RPL6: variants seen among roughly 807,000 people sequenced by gnomAD.
RPL6 encodes the protein ribosomal protein L6.
In RPL6, 1 loss-of-function variant was observed where a neutral mutation model predicts 32.1. The ratio of observed to expected loss-of-function variants is 0.03; its 90% CI spans 0.01 to 0.15. The LOEUF (loss-of-function observed/expected upper bound fraction) is 0.15. RPL6 is among the 10% of genes least tolerant of loss of function. The probability of loss-of-function intolerance (pLI) is 1.00; values close to 1 mark genes in which losing one functional copy is unlikely to be tolerated. For missense variants in RPL6, 275 were observed against 354.6 expected, an observed-to-expected ratio of 0.78 and a Z score of 1.80; for synonymous variants, 126 against 131.6, an observed-to-expected ratio of 0.96 and a Z score of 0.29.
At position 112,406,810 on chromosome 12, in the gene RPL6, T is replaced by G. The variant is rs143273976; in HGVS notation, c.417A>C (p.Lys139Asn). 2.0e-3 allele frequency: 3,204 copies of G among 1,614,204 alleles called. 7 individuals are homozygous for G. Among genetic ancestry groups the G allele is most frequent in the Non-Finnish European group, 2.6e-3 (3,048 of 1,180,036 alleles). ...TCCCGGGGGTAATGCTGGCTCGCAG[T>G]TTTCTCACGTGCTGACTGAAGGGTT... ...GKKPFSQHVR[K>N]LRASITPGTI... The change falls in exon 4 of 7, where the codon AAA (lysine) becomes AAC (asparagine). Residue 139 changes from lysine to asparagine, a missense_variant. By Grantham distance (94) the Lys-to-Asn change is moderately conservative (BLOSUM62 0). Coordinates refer to ENST00000202773, the MANE Select transcript of RPL6 (RefSeq NM_000970.6).
intron 1 of RPL6, among the ~76,000 whole-genome samples, chr12:112,416,099 C>G (rs1213535764): frequency 6.8e-6 from 1 of 147,448 alleles, no homozygotes; most frequent in Non-Finnish European, 1.5e-5. Context: ...GCTGGGACTA[C>G]AGGTGCCTGC....
intron 1 of RPL6, among the ~76,000 whole-genome samples, chr12:112,416,122 C>T (rs1343996469): frequency 3.5e-5 from 5 of 141,790 alleles, no homozygotes; most frequent in African/African-American, 1.3e-4. Context: ...CTGCACCCAG[C>T]TAAATTTTGT....
chr12:112,405,447 C>T (rs1250603769), intron 6 of RPL6, 71 bp from the exon 7 acceptor site: 1 of 1,451,360 alleles, frequency 6.9e-7, no homozygotes, highest in Non-Finnish European at 9.5e-7. Flanking sequence ...ACTAAGGAGT[C>T]CTGTCTCACA....
At chr12:112,412,556 C>T (rs1352586113), upstream of RPL6, among the ~76,000 whole-genome samples, 1 of 151,718 alleles carries the variant, frequency 6.6e-6, no homozygotes, top group South Asian at 2.1e-4. Context: ...CTCACTGCAG[C>T]CTTGACCTCC....
intron 3 of RPL6, chr12:112,407,542 T>G (rs2037209004): frequency 6.5e-6 from 1 of 152,920 alleles, no homozygotes; most frequent in African/African-American, 2.4e-5. Flanking sequence ...GCAGTAATCT[T>G]CAACTGTGAA....
rs139449403 is a variant in RPL6, at chr12:112,408,307, G to A, written c.269C>T (p.Ala90Val). ...ACCACCAACTGGTTTTGTAACAGTT[G>A]CGAGAACCTTCTCCTTCTTTTTCTT... ...VEKKKKEKVLATVTKPVGGDK... is the reference protein window; with the variant it reads ...VEKKKKEKVLVTVTKPVGGDK... The change falls in exon 3 of 7, where the codon GCA becomes GTA. Residue 90 changes from alanine to valine, a missense_variant. Ala to Val is a moderately conservative substitution (Grantham distance 64, BLOSUM62 0). Transcript: ENST00000202773. The A allele has an allele frequency of 6.2e-7, 1 of 1,614,182 alleles. No individual in the cohort carries two copies. Among genetic ancestry groups the A allele is most frequent in the Non-Finnish European group, 8.5e-7 (1 of 1,180,038 alleles).
intron 1 of RPL6, among the ~76,000 whole-genome samples, chr12:112,416,681 T>C (rs1286010349): frequency 6.6e-6 from 1 of 152,218 alleles, no homozygotes; most frequent in Non-Finnish European, 1.5e-5. Flanking sequence ...CCCAAAGTGC[T>C]GGGATTACAG....
chr12:112,413,573 A>C (rs985000559), upstream of RPL6, among the ~76,000 whole-genome samples: 2 of 152,156 alleles, frequency 1.3e-5, no homozygotes, highest in Admixed American at 1.3e-4. Flanking sequence ...AAAATAATTC[A>C]GATTGAGGTT....
intron 3 of RPL6, 154 bp downstream of exon 3, chr12:112,408,086 G>T (rs2037231241): frequency 3.2e-6 from 2 of 621,546 alleles, no homozygotes; most frequent in African/African-American, 1.8e-5. Flanking sequence ...AAGATTAACA[G>T]TAAATGTTGA....
upstream of RPL6, among the ~76,000 whole-genome samples, chr12:112,410,153 G>T (rs2037316882): frequency 1.3e-5 from 2 of 151,248 alleles, no homozygotes; most frequent in African/African-American, 4.9e-5. Context: ...ACAAAAAAAA[G>T]AAAAAAAGAA....
In RPL6 at chr12:112,408,298, G is replaced by C. The variant is rs761897821; in HGVS notation, c.278C>G (p.Thr93Arg). Residue 93 changes from threonine (T) to arginine (R), a missense_variant, in exon 3 of 7, where the codon ACA becomes AGA. Physicochemically the swap from Thr to Arg is moderately conservative, Grantham distance 71 (BLOSUM62 -1). Transcript: ENST00000202773. The part of the protein sequence containing the change: ...KKKEKVLATV[T>R]KPVGGDKNGG... The stretch of plus-strand genomic sequence containing the variant: ...GTTCTTGTCACCACCAACTGGTTTT[G>C]TAACAGTTGCGAGAACCTTCTCCTT... 2.5e-6 allele frequency: 4 copies of C among 1,614,090 alleles called. No individual in the cohort carries two copies. The highest frequency in any genetic ancestry group is 1.3e-5 in the African/African-American group (1 of 74,916).
intron 1 of RPL6, 47 bp downstream of exon 1, chr12:112,409,540 T>C (rs995270535): frequency 3.8e-5 from 15 of 398,444 alleles, no homozygotes; most frequent in Non-Finnish European, 5.3e-5. Context: ...TGGCGAAGGA[T>C]TGGGAGTCCT....
intron 6 of RPL6, 150 bp from the exon 7 acceptor site, chr12:112,405,526 G>T: frequency 2.4e-6 from 2 of 826,398 alleles, no homozygotes; most frequent in Non-Finnish European, 1.9e-6. Context: ...TTGGAATGCT[G>T]TGAAACACAA....
In RPL6 at chr12:112,408,678, T is replaced by TA. The variant is rs747776217; in HGVS notation, c.1-23dup. On this transcript the variant is annotated intron_variant, in intron 1 of 6. Transcript: ENST00000202773. Reference sequence around the variant, plus strand: ...CCATCTAAAAATATTTTTTTGTAGATAAAAAAAGGCATTTCACCAGTCATC... The same window carrying TA: ...CCATCTAAAAATATTTTTTTGTAGATAAAAAAAAGGCATTTCACCAGTCATC... 1.0e-5 allele frequency: 16 copies of TA among 1,546,294 alleles called. No homozygotes were observed. In the East Asian group the frequency reaches 2.5e-4, roughly 24 times the overall value.
chr12:112,406,979 TTTTTA>T (rs1339981238), intron 3 of RPL6, 89 bp from the exon 4 acceptor site: 6 of 1,329,934 alleles, frequency 4.5e-6, no homozygotes, highest in South Asian at 4.0e-5. Context: ...TGCTACAGCC[TTTTTA>T]TTTTAAAGTA....
At chr12:112,407,017 C>T in intron 3 of RPL6, 127 bp from the exon 4 acceptor site, 1 of 928,274 alleles carries the variant, frequency 1.1e-6, no homozygotes, top group Admixed American at 3.1e-5. Flanking sequence ...TATATGATTC[C>T]ATTTTCATTT....
At chr12:112,409,434 C>G in intron 1 of RPL6, 153 bp downstream of exon 1, 1 of 398,660 alleles carries the variant, frequency 2.5e-6, no homozygotes, top group Non-Finnish European at 4.4e-6. Flanking sequence ...TGCCGCAAAC[C>G]CAAACAACAA....
At position 112,405,845 on chromosome 12, in the gene RPL6, A is replaced by C; in HGVS notation, c.714+8T>G. 6.2e-7 allele frequency: 1 copy of C among 1,607,970 alleles called. No individual in the cohort carries two copies. The highest frequency in any genetic ancestry group is 8.5e-7 in the Non-Finnish European group (1 of 1,176,942). On this transcript the variant is annotated splice_region_variant and intron_variant, in intron 6 of 6. Transcript: ENST00000202773. The stretch of plus-strand genomic sequence containing the variant: ...TGCTAACACAGGAGATGACAAGTAG[A>C]AACTTACCTCTTTTTCTGTGTCGAA...
chr12:112,407,438 A>C (rs1364695138), intron 3 of RPL6: 4 of 153,812 alleles, frequency 2.6e-5, no homozygotes, highest in Non-Finnish European at 5.8e-5. Context: ...ATTTCCAACT[A>C]TACCATATCA....
Sources: allele counts gnomAD v4.1 joint callset (sites outside exome capture counted in the v4.1 genomes callset), GRCh38; gene constraint gnomAD v4.1.1; transcripts MANE v1.5; gene names NCBI Gene and HGNC (gene_info 2026-07-23, HGNC 2026-07-21).